The following WASF2 variants were observed in gnomAD, a reference collection of about 807,000 sequenced individuals.
The protein encoded by WASF2 is actin-binding protein WASF2.
Under a neutral mutation model 45.0 loss-of-function variants are expected in WASF2, and 14 were observed. That is an observed-to-expected ratio of 0.31 (90% CI 0.21 to 0.49). WASF2 has a LOEUF of 0.49. Among genes scored for constraint, WASF2 ranks in the 20% least tolerant of loss-of-function variants. WASF2 has a pLI of 0.99. For synonymous variants in WASF2, 200 were observed against 236.3 expected (o/e 0.85, Z 1.41); for missense variants, 439 against 636.1 (o/e 0.69, Z 3.33).
intron 1 of WASF2, among the ~76,000 whole-genome samples, chr1:27,487,756 GTATAT>G (rs903036738): frequency 2.0e-4 from 25 of 125,012 alleles, no homozygotes; most frequent in Non-Finnish European, 3.7e-4. Flanking sequence ...ATTATATAAT[GTATAT>G]TATATATTAT....
At chr1:27,485,233 C>A (rs934452618) in intron 1 of WASF2, among the ~76,000 whole-genome samples, 1 of 151,864 alleles carries the variant, frequency 6.6e-6, no homozygotes, top group Non-Finnish European at 1.5e-5. Context: ...AAGTACAATT[C>A]TCTTAAATGC....
Position 27,487,740 on chromosome 1 carries a change from TATC to T in WASF2, c.-44+2243_-44+2245del, listed in dbSNP as rs200309728. Among the ~76,000 whole-genome samples, 250 of 126,514 alleles carry T rather than the reference TATC, an allele frequency of 2.0e-3. 9 individuals are homozygous for T. The East Asian group carries it at 0.048, about 24-fold the overall frequency. The allele number at this position is 126,514 out of a possible 152,430, so 83.0% of individuals were successfully genotyped here. A position where few individuals can be genotyped will look rare whatever the true frequency, so the allele number is the denominator to read the frequency against. On this transcript the variant is annotated intron_variant, in intron 1 of 8. Coordinates refer to ENST00000618852, the MANE Select transcript of WASF2 (RefSeq NM_006990.5). The stretch of plus-strand genomic sequence containing the variant: ...GTATATCATTATATTATATAATGTA[TATC>T]ATATTATATAATGTATATTATATAT...
At chr1:27,443,906 G>A (rs1472764957) in intron 1 of WASF2, among the ~76,000 whole-genome samples, 1 of 151,828 alleles carries the variant, frequency 6.6e-6, no homozygotes, top group Admixed American at 6.6e-5. Context: ...TCAGCCTCAT[G>A]AGTAGCTGGG....
chr1:27,446,641 C>A (rs1290500990), intron 1 of WASF2, among the ~76,000 whole-genome samples: 1 of 151,946 alleles, frequency 6.6e-6, no homozygotes, highest in Non-Finnish European at 1.5e-5. Flanking sequence ...ATTAGCCAGG[C>A]GTGGTGGTGC....
intron 1 of WASF2, among the ~76,000 whole-genome samples, chr1:27,466,980 C>T (rs536018246): frequency 5.3e-5 from 8 of 151,370 alleles, no homozygotes; most frequent in East Asian, 1.9e-4. Flanking sequence ...TTTGGGAGAC[C>T]GGGGCAGGCA....
At chr1:27,471,564 G>T (rs915837893) in intron 1 of WASF2, among the ~76,000 whole-genome samples, 1 of 152,032 alleles carries the variant, frequency 6.6e-6, no homozygotes, top group Admixed American at 6.6e-5. Flanking sequence ...GGAAGCTGAG[G>T]CTGCAGAAAG....
chr1:27,404,906 T>TGCCTCCAGGAAGCCTGAC lies in WASF2; in HGVS notation c.*3265_*3282dup, dbSNP rs2016643448. The TGCCTCCAGGAAGCCTGAC allele has an allele frequency of 1.3e-5, 2 of 152,434 alleles. No homozygotes were observed. Among genetic ancestry groups the TGCCTCCAGGAAGCCTGAC allele is most frequent in the Non-Finnish European group, 2.9e-5 (2 of 68,120 alleles). 9.4% of individuals were successfully genotyped at this position (152,434 alleles called of 1,614,324 possible). ...GACCCCAGCAGGGCTCAAAGCCTGA[T>TGCCTCCAGGAAGCCTGAC]GCCTCCAGGAAGCCTGACATCTCTC... On this transcript the variant is annotated 3_prime_UTR_variant, in exon 9 of 9. Coordinates refer to ENST00000618852, the MANE Select transcript of WASF2 (RefSeq NM_006990.5).
intron 1 of WASF2, among the ~76,000 whole-genome samples, chr1:27,441,033 A>AT (rs2017218982): frequency 6.6e-6 from 1 of 151,422 alleles, no homozygotes; most frequent in Non-Finnish European, 1.5e-5. Context: ...CGCTCAGCTA[A>AT]TTTTTTGTAT....
intron 1 of WASF2, among the ~76,000 whole-genome samples, chr1:27,472,716 A>T (rs1296761279): frequency 6.8e-6 from 1 of 147,752 alleles, no homozygotes; most frequent in Non-Finnish European, 1.5e-5. Flanking sequence ...TAACCCCAGC[A>T]CCTTGGGAGG....
At chr1:27,428,635 G>T in intron 2 of WASF2, 126 bp downstream of exon 2, 1 of 1,409,282 alleles carries the variant, frequency 7.1e-7, no homozygotes, top group Non-Finnish European at 9.9e-7. Context: ...GGAGAGGGAG[G>T]ATACATTTTC....
chr1:27,484,071 TTCTTAGGAACTA>T (rs2017891017), intron 1 of WASF2, among the ~76,000 whole-genome samples: 1 of 152,184 alleles, frequency 6.6e-6, no homozygotes, highest in South Asian at 2.1e-4. Flanking sequence ...GAAGGTACCA[TTCTTAGGAACTA>T]TGGAGCCACC....
chr1:27,482,993 C>T (rs751830387), intron 1 of WASF2, among the ~76,000 whole-genome samples: 1 of 152,024 alleles, frequency 6.6e-6, no homozygotes, highest in African/African-American at 2.4e-5. Flanking sequence ...TATTCCTGGT[C>T]GGACCATGAA....
chr1:27,454,198 T>C (rs1284479864), intron 1 of WASF2, among the ~76,000 whole-genome samples: 1 of 137,606 alleles, frequency 7.3e-6, no homozygotes, highest in Non-Finnish European at 1.5e-5. Context: ...TTTTTTTTTT[T>C]TTTTTTTTTT....
At chr1:27,435,004 T>C (rs754060848) in intron 1 of WASF2, among the ~76,000 whole-genome samples, 2 of 152,108 alleles carry the variant, frequency 1.3e-5, no homozygotes, top group Non-Finnish European at 2.9e-5. Flanking sequence ...TGGAGTACAA[T>C]GGCACAATCT....
intron 1 of WASF2, among the ~76,000 whole-genome samples, chr1:27,450,146 A>G (rs2017365044): frequency 6.8e-6 from 1 of 147,404 alleles, no homozygotes; most frequent in South Asian, 2.2e-4. Flanking sequence ...TCCGTCTCAA[A>G]AAAAGAAAAA....
chr1:27,409,619 C>A, intron 8 of WASF2, 73 bp downstream of exon 8: 3 of 1,393,076 alleles, frequency 2.2e-6, no homozygotes, highest in South Asian at 2.2e-5. Flanking sequence ...ACCCCCTCAC[C>A]CATCCCCCAA....
intron 1 of WASF2, among the ~76,000 whole-genome samples, chr1:27,487,510 G>T (rs1208604380): frequency 1.4e-4 from 12 of 84,004 alleles, no homozygotes; most frequent in East Asian, 9.8e-4. Context: ...TATAATATAT[G>T]TTATATTATA....
intron 3 of WASF2, 66 bp from the exon 4 acceptor site, chr1:27,418,488 C>G: frequency 1.2e-6 from 2 of 1,607,160 alleles, no homozygotes; most frequent in Non-Finnish European, 1.7e-6. Context: ...TGAGTCACAC[C>G]AGTCGGAGAG....
At chr1:27,451,062 A>G (rs1036435574) in intron 1 of WASF2, among the ~76,000 whole-genome samples, 2 of 152,010 alleles carry the variant, frequency 1.3e-5, no homozygotes, top group Non-Finnish European at 2.9e-5. Flanking sequence ...GAAAAAAAAA[A>G]GCATACATAT....
Sources: gnomAD v4.1 joint callset for allele counts (sites outside exome capture counted in the v4.1 genomes callset) on GRCh38, gnomAD v4.1.1 for gene constraint, MANE v1.5 for transcripts, NCBI Gene and HGNC (gene_info 2026-07-23, HGNC 2026-07-21) for gene names.